Variants in DEFB1 observed in about 807,000 individuals in gnomAD.
DEFB1 encodes defensin beta 1.
DEFB1 carries 4 observed loss-of-function variants against 2.6 expected under a neutral mutation model. That is an observed-to-expected ratio of 1.53 (90% CI 0.76 to 3.51). The LOEUF (loss-of-function observed/expected upper bound fraction) is 3.51. Ranked by LOEUF, DEFB1 falls within the 30% of genes most tolerant of loss-of-function variation. The pLI is 0.01. For synonymous variants in DEFB1, 56 were observed against 28.5 expected (o/e 1.96, Z -3.07); for missense variants, 162 against 76.9 (o/e 2.11, Z -4.14).
At chr8:6,873,215 A>G (rs531903942) in intron 1 of DEFB1, among the ~76,000 whole-genome samples, 1 of 152,328 alleles carries the variant, frequency 6.6e-6, no homozygotes, top group South Asian at 2.1e-4. Context: ...TCCCCAGAGC[A>G]TGTAGCTGGT....
chr8:6,873,194 G>A (rs560816739), intron 1 of DEFB1, among the ~76,000 whole-genome samples: 94 of 152,290 alleles, frequency 6.2e-4, no homozygotes, highest in Middle Eastern at 6.8e-3. Flanking sequence ...AAGGAACAAG[G>A]TCCAGTGATG....
chr8:6,871,654 G>C (rs535854177), intron 1 of DEFB1, among the ~76,000 whole-genome samples: 1 of 152,124 alleles, frequency 6.6e-6, no homozygotes, highest in Admixed American at 6.5e-5. Flanking sequence ...AGTTAAACAC[G>C]GTCATTGGGG....
chr8:6,874,127 ACACACACACACACACACACG>A lies in DEFB1; in HGVS notation c.62-3321_62-3302del, dbSNP rs1218207988. 1.1e-4 allele frequency among the ~76,000 whole-genome samples: 11 copies of A among 97,358 alleles called. No homozygotes were observed. The South Asian group carries it at 1.4e-3, about 13-fold the overall frequency. The allele number at this position is 97,358 out of a possible 152,430, so 63.9% of individuals were successfully genotyped here. A position where few individuals can be genotyped will look rare whatever the true frequency, so the allele number is the denominator to read the frequency against. ...GCTAGAATATCTGACATACACACAC[ACACACACACACACACACACG>A]CACACACACGCACATGTGCACTTTG... On this transcript the variant is annotated intron_variant, in intron 1 of 1. Transcript: ENST00000297439.
intron 1 of DEFB1, among the ~76,000 whole-genome samples, chr8:6,876,909 A>T (rs969225011): frequency 3.9e-5 from 6 of 152,014 alleles, no homozygotes. Flanking sequence ...TTCTGCATTT[A>T]GAATGCTTTT....
chr8:6,875,670 G>C (rs1378487772), intron 1 of DEFB1, among the ~76,000 whole-genome samples: 1 of 152,198 alleles, frequency 6.6e-6, no homozygotes, highest in Non-Finnish European at 1.5e-5. Context: ...TTGTGGGAGT[G>C]CAAGTTGGTG....
chr8:6,877,754 C>T (rs1328290262), intron 1 of DEFB1, 43 bp downstream of exon 1: 3 of 1,569,838 alleles, frequency 1.9e-6, no homozygotes, highest in South Asian at 1.1e-5. Context: ...CCCATTGTCC[C>T]CAGCCCTGGG....
intron 1 of DEFB1, among the ~76,000 whole-genome samples, chr8:6,872,266 C>G (rs1333768601): frequency 1.3e-5 from 2 of 152,138 alleles, no homozygotes; most frequent in Non-Finnish European, 2.9e-5. Flanking sequence ...ATTTTGTTCT[C>G]AAAGCAGCAC....
At chr8:6,875,782 A>G (rs1306473666) in intron 1 of DEFB1, among the ~76,000 whole-genome samples, 2 of 152,240 alleles carry the variant, frequency 1.3e-5, no homozygotes, top group Admixed American at 1.3e-4. Context: ...AAATAGAGGC[A>G]TAAGGGCACC....
intron 1 of DEFB1, among the ~76,000 whole-genome samples, chr8:6,876,845 C>CAA (rs34563802): frequency 1.4e-4 from 8 of 57,946 alleles, no homozygotes; most frequent in South Asian, 7.5e-4. Context: ...AACCAAAAAC[C>CAA]AAAAAAAAAA....
intron 1 of DEFB1, 145 bp from the exon 2 acceptor site, chr8:6,870,971 C>T (rs1230215541): frequency 1.2e-5 from 11 of 932,394 alleles, no homozygotes; most frequent in East Asian, 5.4e-5. Flanking sequence ...ATCTTTGGGG[C>T]TACTCATGAA....
At chr8:6,871,168 C>T (rs5743484) in intron 1 of DEFB1, among the ~76,000 whole-genome samples, 4,924 of 152,262 alleles carry the variant, frequency 0.032, 236 homozygotes, top group African/African-American at 0.11. Context: ...AAAATCACAT[C>T]CTGTGTTTTA....
At chr8:6,874,395 T>C (rs1806440723) in intron 1 of DEFB1, among the ~76,000 whole-genome samples, 1 of 152,246 alleles carries the variant, frequency 6.6e-6, no homozygotes, top group South Asian at 2.1e-4. Flanking sequence ...CCAAATACCA[T>C]GGGAATCCCC....
At chr8:6,873,258 C>G (rs1445070647) in intron 1 of DEFB1, among the ~76,000 whole-genome samples, 1 of 152,204 alleles carries the variant, frequency 6.6e-6, no homozygotes, top group Non-Finnish European at 1.5e-5. Context: ...ATGGATGCCT[C>G]CTGATCTCAC....
chr8:6,874,954 C>T (rs1245645330), intron 1 of DEFB1, among the ~76,000 whole-genome samples: 1 of 150,418 alleles, frequency 6.6e-6, no homozygotes, highest in African/African-American at 2.5e-5. Context: ...TGCACTACAG[C>T]CTGGGTGACA....
Position 6,870,665 on chromosome 8 carries a change from T to G in DEFB1, c.*16A>C. 1 of 1,603,048 alleles carries G rather than the reference T, an allele frequency of 6.2e-7. No individual in the cohort carries two copies. Reference sequence around the variant, plus strand: ...TTCATTTCACTTCTGCGTCATTTCTTCTGGTCACTCCCAGCTCACTTGCAG... The same window carrying G: ...TTCATTTCACTTCTGCGTCATTTCTGCTGGTCACTCCCAGCTCACTTGCAG... On this transcript the variant is annotated 3_prime_UTR_variant, in exon 2 of 2. Coordinates refer to ENST00000297439, the MANE Select transcript of DEFB1 (RefSeq NM_005218.4).
rs1800967 is a variant in DEFB1 at position 6,870,745 on chromosome 8, G to T, written c.143C>A (p.Ala48Asp). 1 of 1,614,228 alleles carries T rather than the reference G, an allele frequency of 6.2e-7. No homozygotes were observed. Among genetic ancestry groups the T allele is most frequent in the South Asian group, 1.1e-5 (1 of 91,084 alleles). Residue 48 changes from alanine to aspartate, a missense_variant, in exon 2 of 2, where the codon GCC becomes GAC. Transcript: ENST00000297439. ...TTGAATTTTGGTAAAGATCGGGCAG[G>T]CAGAATAGAGACATTGCCCTCCACT... ...VSSGGQCLYS[A>D]CPIFTKIQGT...
chr8:6,873,144 C>G (rs1288857625), intron 1 of DEFB1, among the ~76,000 whole-genome samples: 3 of 152,178 alleles, frequency 2.0e-5, no homozygotes, highest in South Asian at 2.1e-4. Context: ...GACTTCGGAA[C>G]TCAATTAATT....
intron 1 of DEFB1, among the ~76,000 whole-genome samples, chr8:6,873,780 G>A (rs5743469): frequency 2.0e-5 from 3 of 152,092 alleles, no homozygotes; most frequent in Admixed American, 1.3e-4. Flanking sequence ...GTGGGTCTGG[G>A]TTGGGGCTGA....
At chr8:6,872,709 T>A (rs1806366936) in intron 1 of DEFB1, among the ~76,000 whole-genome samples, 1 of 152,238 alleles carries the variant, frequency 6.6e-6, no homozygotes, top group South Asian at 2.1e-4. Context: ...AAACACAGTC[T>A]CTTGATTGCC....
Sources: allele counts gnomAD v4.1 joint callset (sites outside exome capture counted in the v4.1 genomes callset), GRCh38; gene constraint gnomAD v4.1.1; transcripts MANE v1.5; gene names NCBI Gene and HGNC (gene_info 2026-07-23, HGNC 2026-07-21).